NSMCE1: variants seen among roughly 807,000 people sequenced by gnomAD.
The protein encoded by NSMCE1 is non-structural maintenance of chromosomes element 1 homolog.
In NSMCE1, 18 loss-of-function variants were observed where a neutral mutation model predicts 29.6. The observed-to-expected ratio is 0.61, with a 90% CI of 0.42 to 0.90. NSMCE1 has a LOEUF of 0.90. Ranked by LOEUF, NSMCE1 falls within the 40% of genes least tolerant of loss-of-function variation. NSMCE1 has a pLI of 0.00. For synonymous variants in NSMCE1, 124 were observed against 133.4 expected, an observed-to-expected ratio of 0.93 and a Z score of 0.49; for missense variants, 314 against 343.6, an observed-to-expected ratio of 0.91 and a Z score of 0.68.
chr16:27,235,338 G>T (rs2083809227), intron 2 of NSMCE1, 39 bp from the exon 3 acceptor site: 3 of 1,603,510 alleles, frequency 1.9e-6, no homozygotes, highest in Non-Finnish European at 2.5e-6. Context: ...GGTGACCAGG[G>T]GGCCTCATCA....
At chr16:27,265,135 C>T (rs2141013379) in intron 1 of NSMCE1, among the ~76,000 whole-genome samples, 1 of 144,110 alleles carries the variant, frequency 6.9e-6, no homozygotes, top group South Asian at 2.2e-4. Context: ...CTTTCATCTG[C>T]TGCTGGGAGA....
intron 2 of NSMCE1, among the ~76,000 whole-genome samples, chr16:27,252,442 T>C (rs552323841): frequency 6.6e-6 from 1 of 152,328 alleles, no homozygotes; most frequent in South Asian, 2.1e-4. Context: ...TTTTGTGGGA[T>C]TATTTTTCTT....
rs1373995313 is a variant in NSMCE1 at position 27,257,469 on chromosome 16, C to T, written c.102G>A (p.Lys34=). 3.1e-6 allele frequency: 5 copies of T among 1,613,830 alleles called. No individual in the cohort carries two copies. In the Admixed American group the frequency reaches 8.3e-5, roughly 27 times the overall value. ...THGVLEEWDV[K]RLQTHCYKVH... is the part of the protein sequence containing the mutation. ...CCTTGTAGCAGTGCGTCTGCAAGCG[C>T]TTCACGTCCCATTCCTCTAGCACGC... Residue 34 remains lysine (K), a synonymous_variant, in exon 2 of 8, where the codon AAG becomes AAA. Coordinates refer to ENST00000361439, the MANE Select transcript of NSMCE1 (RefSeq NM_145080.4).
At chr16:27,230,593 C>CA (rs1351316760) in intron 5 of NSMCE1, 1 of 152,388 alleles carries the variant, frequency 6.6e-6, no homozygotes, top group African/African-American at 2.4e-5. Context: ...CTGCTCACCA[C>CA]AGGCAGCGGA....
chr16:27,239,332 GA>G (rs937317611), intron 2 of NSMCE1, among the ~76,000 whole-genome samples: 3 of 152,208 alleles, frequency 2.0e-5, no homozygotes, highest in African/African-American at 7.2e-5. Flanking sequence ...TCTCTCCCCT[GA>G]TCCAGGAGCC....
At chr16:27,226,635 G>C in intron 6 of NSMCE1, 85 bp downstream of exon 6, 1 of 862,536 alleles carries the variant, frequency 1.2e-6, no homozygotes. Context: ...GCTGGGCCCA[G>C]AGCCAGGATT....
intron 2 of NSMCE1, among the ~76,000 whole-genome samples, chr16:27,252,344 T>G (rs1231256336): frequency 3.9e-5 from 6 of 152,200 alleles, no homozygotes; most frequent in Admixed American, 3.9e-4. Context: ...ATCATGCCTG[T>G]GTAAAGAAAC....
intron 1 of NSMCE1, among the ~76,000 whole-genome samples, chr16:27,260,050 A>G (rs1567284732): frequency 6.6e-6 from 1 of 152,226 alleles, no homozygotes; most frequent in Non-Finnish European, 1.5e-5. Context: ...AAAGGGATAC[A>G]AGTTGGAAGG....
At chr16:27,230,427 G>C (rs939678591) in intron 5 of NSMCE1, among the ~76,000 whole-genome samples, 2 of 152,146 alleles carry the variant, frequency 1.3e-5, no homozygotes, top group Non-Finnish European at 2.9e-5. Context: ...GTGAGCACCC[G>C]CCCCGGTTCT....
intron 5 of NSMCE1, among the ~76,000 whole-genome samples, chr16:27,231,265 T>C (rs904460574): frequency 1.3e-5 from 2 of 152,236 alleles, no homozygotes; most frequent in African/African-American, 4.8e-5. Context: ...CAAGCATTTA[T>C]TGAGCAGTTG....
chr16:27,256,366 G>A (rs2084086689), intron 2 of NSMCE1, among the ~76,000 whole-genome samples: 1 of 152,172 alleles, frequency 6.6e-6, no homozygotes. Context: ...CAGGATAAAA[G>A]TGAAGGGTCC....
intron 2 of NSMCE1, among the ~76,000 whole-genome samples, chr16:27,249,018 C>T (rs896951299): frequency 9.2e-5 from 14 of 151,962 alleles, no homozygotes; most frequent in African/African-American, 1.9e-4. Context: ...TTTGTAGAGA[C>T]GGAGTTTTGT....
At chr16:27,229,037 C>A (rs1011355318) in intron 5 of NSMCE1, among the ~76,000 whole-genome samples, 4 of 152,224 alleles carry the variant, frequency 2.6e-5, no homozygotes, top group Non-Finnish European at 4.4e-5. Context: ...AACTCACCCC[C>A]ACCCCAGGGC....
At chr16:27,226,699 C>T (rs745908027) in intron 6 of NSMCE1, 21 bp downstream of exon 6, 6 of 1,520,496 alleles carry the variant, frequency 3.9e-6, no homozygotes, top group South Asian at 3.4e-5. Flanking sequence ...GATGAGCTCC[C>T]GTGCCCTGCC....
chr16:27,256,973 C>T (rs1416394414), intron 2 of NSMCE1, among the ~76,000 whole-genome samples: 2 of 152,156 alleles, frequency 1.3e-5, no homozygotes, highest in Admixed American at 6.5e-5. Flanking sequence ...CACCTTGATT[C>T]CCAGAGTGCA....
At chr16:27,244,062 T>C (rs2083923982) in intron 2 of NSMCE1, among the ~76,000 whole-genome samples, 1 of 152,248 alleles carries the variant, frequency 6.6e-6, no homozygotes, top group Non-Finnish European at 1.5e-5. Flanking sequence ...TGTCTCCACC[T>C]TGCCCTGGCC....
intron 1 of NSMCE1, among the ~76,000 whole-genome samples, chr16:27,262,637 T>G (rs553530341): frequency 6.6e-6 from 1 of 151,904 alleles, no homozygotes; most frequent in African/African-American, 2.4e-5. Flanking sequence ...AACTATAAAA[T>G]CCCTGGAAGA....
chr16:27,235,716 G>A (rs1297232647), intron 2 of NSMCE1, among the ~76,000 whole-genome samples: 3 of 152,190 alleles, frequency 2.0e-5, no homozygotes, highest in South Asian at 2.1e-4. Context: ...AGTGCCCCGC[G>A]AGAGGCCTCT....
At chr16:27,228,323 C>G (rs1019865068) in intron 5 of NSMCE1, among the ~76,000 whole-genome samples, 1 of 152,096 alleles carries the variant, frequency 6.6e-6, no homozygotes. Context: ...TGCCCTGCAC[C>G]GCAGCTGTTG....
Sources: allele counts gnomAD v4.1 joint callset (sites outside exome capture counted in the v4.1 genomes callset), GRCh38; gene constraint gnomAD v4.1.1; transcripts MANE v1.5; gene names NCBI Gene and HGNC (gene_info 2026-07-23, HGNC 2026-07-21).